The following TBL1XR1 variants were observed in gnomAD, a reference collection of about 807,000 sequenced individuals.
The protein encoded by TBL1XR1 is TBL1X/Y related 1.
In TBL1XR1, 5 loss-of-function variants were observed where a neutral mutation model predicts 66.9. That is an observed-to-expected ratio of 0.07 (90% confidence interval 0.04 to 0.16). TBL1XR1 has a LOEUF of 0.16. Among genes scored for constraint, TBL1XR1 ranks in the 10% least tolerant of loss-of-function variants. The pLI is 1.00. For synonymous variants in TBL1XR1, 210 were observed against 206.0 expected (o/e 1.02, Z -0.17); for missense variants, 238 against 623.2 (o/e 0.38, Z 6.58).
intron 1 of TBL1XR1, among the ~76,000 whole-genome samples, chr3:177,131,906 T>TAA (rs71626253): frequency 1.1e-4 from 16 of 145,020 alleles, no homozygotes; most frequent in African/African-American, 3.3e-4. Flanking sequence ...AGTGGAAGTT[T>TAA]AAAAAAAAAA....
At chr3:177,124,633 A>G (rs1727389733) in intron 1 of TBL1XR1, among the ~76,000 whole-genome samples, 1 of 152,094 alleles carries the variant, frequency 6.6e-6, no homozygotes, top group Non-Finnish European at 1.5e-5. Flanking sequence ...GTGACCTATC[A>G]ATTTCAAAAA....
intron 1 of TBL1XR1, among the ~76,000 whole-genome samples, chr3:177,111,382 C>T (rs565984105): frequency 6.6e-6 from 1 of 152,020 alleles, no homozygotes; most frequent in East Asian, 1.9e-4. Context: ...AAGCGATTCA[C>T]CTGCCTCAGC....
rs192312795 is a variant in TBL1XR1 at position 177,029,311 on chromosome 3, A to G, written c.1417-2837T>C. Among the ~76,000 whole-genome samples, 180 of 152,220 alleles carry G rather than the reference A, an allele frequency of 1.2e-3. 1 individual carries two copies. Among genetic ancestry groups the G allele is most frequent in the Non-Finnish European group, 3.1e-4 (21 of 67,992 alleles). On this transcript the variant is annotated intron_variant, in intron 14 of 15. Transcript: ENST00000457928. ...AAAAGAAAGATAAATACATCTAAAC[A>G]TTAACATTAAAAACTTTCATATGAT... is the stretch of plus-strand genomic sequence containing the variant.
intron 3 of TBL1XR1, among the ~76,000 whole-genome samples, chr3:177,060,294 G>T (rs1170714256): frequency 6.6e-6 from 1 of 152,098 alleles, no homozygotes; most frequent in Admixed American, 6.5e-5. Context: ...TAAAAATGGA[G>T]ACAGTATGCA....
chr3:177,157,047 T>C (rs1414723195), intron 1 of TBL1XR1, among the ~76,000 whole-genome samples: 3 of 152,012 alleles, frequency 2.0e-5, no homozygotes, highest in African/African-American at 7.2e-5. Flanking sequence ...TGTAAACAGG[T>C]GTAATCATTC....
At chr3:177,089,085 A>G (rs1251944749) in intron 2 of TBL1XR1, among the ~76,000 whole-genome samples, 1 of 152,228 alleles carries the variant, frequency 6.6e-6, no homozygotes, top group Admixed American at 6.5e-5. Context: ...CTGGCAAGTC[A>G]TAACTTCTTT....
intron 1 of TBL1XR1, among the ~76,000 whole-genome samples, chr3:177,190,521 T>C (rs1736015741): frequency 6.6e-6 from 1 of 152,190 alleles, no homozygotes; most frequent in Non-Finnish European, 1.5e-5. Flanking sequence ...TTTTATCATG[T>C]TAGCCAGGCT....
At chr3:177,176,636 A>G (rs908180076) in intron 1 of TBL1XR1, among the ~76,000 whole-genome samples, 1 of 151,742 alleles carries the variant, frequency 6.6e-6, no homozygotes, top group African/African-American at 2.4e-5. Flanking sequence ...AACATGGAGA[A>G]ACCCTCATCT....
chr3:177,054,202 A>G (rs910905762), intron 3 of TBL1XR1, among the ~76,000 whole-genome samples: 2 of 152,342 alleles, frequency 1.3e-5, no homozygotes, highest in East Asian at 3.9e-4. Context: ...GTCATGGTAC[A>G]CAACTTTTCT....
At chr3:177,133,956 CT>C (rs1178731464) in intron 1 of TBL1XR1, among the ~76,000 whole-genome samples, 1 of 150,818 alleles carries the variant, frequency 6.6e-6, no homozygotes, top group Non-Finnish European at 1.5e-5. Context: ...TCCGCTTTTG[CT>C]TTAGAGAAAC....
At chr3:177,158,160 T>A (rs116558076) in intron 1 of TBL1XR1, among the ~76,000 whole-genome samples, 7 of 146,960 alleles carry the variant, frequency 4.8e-5, no homozygotes, top group Non-Finnish European at 7.4e-5. Flanking sequence ...AAATAAAAAG[T>A]AAAACAAAAA....
intron 1 of TBL1XR1, among the ~76,000 whole-genome samples, chr3:177,116,497 T>C (rs1726326047): frequency 2.6e-5 from 4 of 152,212 alleles, no homozygotes; most frequent in South Asian, 4.1e-4. Flanking sequence ...GGCTAAATTT[T>C]AGATCACTCA....
chr3:177,091,138 CAT>C (rs1337976890), intron 2 of TBL1XR1: 5 of 152,094 alleles, frequency 3.3e-5, no homozygotes, highest in Admixed American at 2.6e-4. Flanking sequence ...GCAGATTACA[CAT>C]GAGGACTTAC....
At chr3:177,032,083 T>C (rs555503228) in intron 14 of TBL1XR1, among the ~76,000 whole-genome samples, 2 of 152,338 alleles carry the variant, frequency 1.3e-5, no homozygotes, top group South Asian at 4.1e-4. Context: ...GATTGAACTG[T>C]GCGGTAAAAT....
chr3:177,189,663 A>AAAAAAAAAAAAAAAAAAAAAAAAAAAAG (rs1560282454), intron 1 of TBL1XR1, among the ~76,000 whole-genome samples: 1 of 49,440 alleles, frequency 2.0e-5, no homozygotes, highest in African/African-American at 5.8e-5. Context: ...AAAAAAAAAA[A>AAAAAAAAAAAAAAAAAAAAAAAAAAAAG]AAGAAGGATG....
At chr3:177,119,951 T>C (rs1231657417) in intron 1 of TBL1XR1, among the ~76,000 whole-genome samples, 7 of 152,302 alleles carry the variant, frequency 4.6e-5, no homozygotes, top group African/African-American at 1.7e-4. Flanking sequence ...CAGAAAGCCC[T>C]TGGGGACTCG....
At chr3:177,126,311 G>C (rs1398009557) in intron 1 of TBL1XR1, among the ~76,000 whole-genome samples, 1 of 152,136 alleles carries the variant, frequency 6.6e-6, no homozygotes, top group Non-Finnish European at 1.5e-5. Flanking sequence ...CACACTTTGA[G>C]AACTACAATA....
At chr3:177,177,028 G>C (rs1401298654) in intron 1 of TBL1XR1, among the ~76,000 whole-genome samples, 6 of 152,270 alleles carry the variant, frequency 3.9e-5, no homozygotes, top group African/African-American at 1.4e-4. Flanking sequence ...ATTACTGGTA[G>C]CATCCAAATG....
chr3:177,093,632 C>T, intron 2 of TBL1XR1, among the ~76,000 whole-genome samples: 1 of 152,130 alleles, frequency 6.6e-6, no homozygotes, highest in East Asian at 1.9e-4. Context: ...GGCACATAGG[C>T]CAATGGAACA....
Sources: gnomAD v4.1 joint callset for allele counts (sites outside exome capture counted in the v4.1 genomes callset) on GRCh38, gnomAD v4.1.1 for gene constraint, MANE v1.5 for transcripts, NCBI Gene and HGNC (gene_info 2026-07-23, HGNC 2026-07-21) for gene names.